The following ROBO2 variants were observed in gnomAD, a reference collection of about 807,000 sequenced individuals.
ROBO2 encodes the protein roundabout homolog 2.
A neutral mutation model predicts 160.8 loss-of-function variants in ROBO2; 53 were observed. The observed-to-expected ratio is 0.33, with a 90% CI of 0.26 to 0.41. The LOEUF (loss-of-function observed/expected upper bound fraction) is 0.41. Among genes scored for constraint, ROBO2 ranks in the 10% least tolerant of loss-of-function variants. The probability of loss-of-function intolerance (pLI) is 1.00; values close to 1 mark genes in which losing one functional copy is unlikely to be tolerated. For missense variants in ROBO2, 1,577 were observed against 1,722.4 expected (o/e 0.92, Z 1.49); for synonymous variants, 664 against 611.7 (o/e 1.09, Z -1.26).
At chr3:76,996,123 T>C (rs1056984365) in intron 2 of ROBO2, among the ~76,000 whole-genome samples, 1 of 152,194 alleles carries the variant, frequency 6.6e-6, no homozygotes, top group African/African-American at 2.4e-5. Flanking sequence ...TGAATTAATT[T>C]TTGTATAAGG....
intron 2 of ROBO2, among the ~76,000 whole-genome samples, chr3:77,322,398 T>A (rs556989459): frequency 2.0e-5 from 3 of 152,264 alleles, no homozygotes; most frequent in African/African-American, 7.2e-5. Flanking sequence ...GAATTAAGCA[T>A]AATCAAAAGT....
chr3:76,617,761 GA>G (rs1164612858), intron 2 of ROBO2, among the ~76,000 whole-genome samples: 1 of 151,916 alleles, frequency 6.6e-6, no homozygotes. Flanking sequence ...AATTTATAAA[GA>G]AAAGAGATGT....
intron 20 of ROBO2, among the ~76,000 whole-genome samples, chr3:77,606,925 C>A (rs2094536974): frequency 6.6e-6 from 1 of 152,136 alleles, no homozygotes; most frequent in Non-Finnish European, 1.5e-5. Flanking sequence ...AGTACTCATT[C>A]CTCATTTAAC....
intron 2 of ROBO2, among the ~76,000 whole-genome samples, chr3:77,472,310 A>ATGT (rs2083440811): frequency 6.6e-6 from 1 of 152,190 alleles, no homozygotes; most frequent in South Asian, 2.1e-4. Context: ...AGGGTCTATC[A>ATGT]CAGGCACTGT....
intron 2 of ROBO2, among the ~76,000 whole-genome samples, chr3:76,033,685 G>T (rs941290406): frequency 6.6e-6 from 1 of 152,190 alleles, no homozygotes; most frequent in Non-Finnish European, 1.5e-5. Context: ...ATATGGGCAG[G>T]ATGAAGAAGA....
chr3:76,821,408 T>C (rs1272181822), intron 2 of ROBO2, among the ~76,000 whole-genome samples: 1 of 152,070 alleles, frequency 6.6e-6, no homozygotes, highest in African/African-American at 2.4e-5. Flanking sequence ...CTCCGATAGT[T>C]GCTGTTATTT....
chr3:77,438,225 A>G (rs2079520324), intron 2 of ROBO2, among the ~76,000 whole-genome samples: 1 of 151,618 alleles, frequency 6.6e-6, no homozygotes, highest in African/African-American at 2.4e-5. Flanking sequence ...AGATAGATAG[A>G]TTGATTGATA....
At chr3:76,803,433 G>GAGGAAGGATGGAGGGA (rs2064391508) in intron 2 of ROBO2, among the ~76,000 whole-genome samples, 1 of 128,608 alleles carries the variant, frequency 7.8e-6, no homozygotes, top group Non-Finnish European at 1.6e-5. Flanking sequence ...TACAAAAGAG[G>GAGGAAGGATGGAGGGA]AGGAAGGATG....
chr3:77,543,660 T>A (rs748359878), intron 6 of ROBO2, among the ~76,000 whole-genome samples: 6 of 152,210 alleles, frequency 3.9e-5, no homozygotes, highest in Non-Finnish European at 8.8e-5. Context: ...ATAATATGCT[T>A]AAAACTATGA....
chr3:77,550,883 C>T (rs777213738), exon 8 of ROBO2: 1 of 1,613,104 alleles, frequency 6.2e-7, no homozygotes, highest in South Asian at 1.1e-5. Context: ...CAACTGGAGA[C>T]CTCACAATCA....
intron 2 of ROBO2, among the ~76,000 whole-genome samples, chr3:76,346,535 G>T (rs1360205737): frequency 6.6e-6 from 1 of 151,922 alleles, no homozygotes; most frequent in African/African-American, 2.4e-5. Flanking sequence ...ATGTCTGATG[G>T]CATGTAGTCT....
intron 2 of ROBO2, among the ~76,000 whole-genome samples, chr3:76,436,159 A>AACACACACGCACACACACACACAC (rs1553752324): frequency 7.1e-6 from 1 of 140,522 alleles, no homozygotes; most frequent in African/African-American, 2.7e-5. Context: ...TTAAAAGGAA[A>AACACACACGCACACACACACACAC]ACACACACAC....
At chr3:76,948,031 T>C (rs970142953) in intron 2 of ROBO2, among the ~76,000 whole-genome samples, 15 of 152,334 alleles carry the variant, frequency 9.8e-5, no homozygotes, top group Non-Finnish European at 2.1e-4. Flanking sequence ...AGAATTTCTT[T>C]TAGTGAGAGT....
chr3:77,180,677 T>C (rs1398317355), intron 2 of ROBO2, among the ~76,000 whole-genome samples: 1 of 151,860 alleles, frequency 6.6e-6, no homozygotes, highest in Non-Finnish European at 1.5e-5. Flanking sequence ...AGGGATGTAT[T>C]ATTATCTCTA....
In ROBO2 at chr3:77,607,873, A is replaced by G. The variant is rs377031765; in HGVS notation, c.3212A>G (p.Asn1071Ser). ...AAAAACAATGGATCCACTTGGGCCA[A>G]TGTCCCTCTACCTCCCCCCCCAGTC... The change falls in exon 21 of 26, where the codon AAT becomes AGT. Residue 1071 changes from asparagine to serine, a missense_variant. Physicochemically the swap from Asn to Ser is conservative, Grantham distance 46. Coordinates refer to ENST00000461745, the Ensembl canonical transcript of ROBO2. 8.7e-6 allele frequency: 14 copies of G among 1,613,898 alleles called. No individual in the cohort carries two copies. Among genetic ancestry groups the G allele is most frequent in the Admixed American group, 5.0e-5 (3 of 59,982 alleles).
chr3:76,291,741 G>T (rs965622800), intron 2 of ROBO2, among the ~76,000 whole-genome samples: 8 of 152,042 alleles, frequency 5.3e-5, no homozygotes, highest in Non-Finnish European at 8.8e-5. Context: ...TAGTTATAAA[G>T]AATTTCTTGA....
At chr3:76,075,392 A>G (rs1290817736) in intron 2 of ROBO2, among the ~76,000 whole-genome samples, 2 of 151,668 alleles carry the variant, frequency 1.3e-5, no homozygotes. Context: ...GAGTTTCTGT[A>G]CGCTCTTCCT....
intron 2 of ROBO2, among the ~76,000 whole-genome samples, chr3:75,998,500 T>C (rs1448996867): frequency 6.6e-6 from 1 of 152,156 alleles, no homozygotes; most frequent in Non-Finnish European, 1.5e-5. Context: ...TGGTGGCTTT[T>C]ACAGGGAACA....
intron 2 of ROBO2, among the ~76,000 whole-genome samples, chr3:76,629,303 TAGTC>T (rs1227046489): frequency 1.3e-5 from 2 of 152,158 alleles, no homozygotes; most frequent in African/African-American, 4.8e-5. Flanking sequence ...CCAACTGCAT[TAGTC>T]AGGGTTCTCT....
Sources: gnomAD v4.1 joint callset for allele counts (sites outside exome capture counted in the v4.1 genomes callset) on GRCh38, gnomAD v4.1.1 for gene constraint, MANE v1.5 for transcripts, NCBI Gene and HGNC (gene_info 2026-07-23, HGNC 2026-07-21) for gene names.